Variants in STK39 observed in about 807,000 individuals in gnomAD.
STK39 encodes serine/threonine kinase 39, also known as STE20/SPS1-related proline-alanine-rich protein kinase.
STK39 carries 20 observed loss-of-function variants against 77.8 expected under a neutral mutation model. The ratio of observed to expected loss-of-function variants is 0.26; its 90% confidence interval spans 0.18 to 0.37. STK39 has a LOEUF of 0.37. Ranked by LOEUF, STK39 falls within the 10% of genes least tolerant of loss-of-function variation. The probability of loss-of-function intolerance (pLI) is 1.00; values close to 1 mark genes in which losing one functional copy is unlikely to be tolerated. For missense variants in STK39, 479 were observed against 656.5 expected (o/e 0.73, Z 2.95); for synonymous variants, 246 against 234.1 (o/e 1.05, Z -0.47).
At chr2:167,990,696 C>T (rs1040652310) in intron 16 of STK39, among the ~76,000 whole-genome samples, 2 of 152,146 alleles carry the variant, frequency 1.3e-5, no homozygotes, top group African/African-American at 4.8e-5. Context: ...GAAAAAGAAC[C>T]CACATATCTT....
chr2:168,155,593 T>G (rs1688406347), intron 5 of STK39, among the ~76,000 whole-genome samples: 1 of 146,430 alleles, frequency 6.8e-6, no homozygotes, highest in Non-Finnish European at 1.5e-5. Context: ...TTAATTTTCA[T>G]GTGTATTCTA....
At chr2:167,980,462 G>C (rs1683386377) in intron 16 of STK39, among the ~76,000 whole-genome samples, 1 of 152,168 alleles carries the variant, frequency 6.6e-6, no homozygotes, top group East Asian at 1.9e-4. Flanking sequence ...CTTCTGGACT[G>C]GGAAAAGCTT....
At chr2:168,089,441 A>G (rs1380207485) in intron 10 of STK39, among the ~76,000 whole-genome samples, 1 of 152,268 alleles carries the variant, frequency 6.6e-6, no homozygotes, top group African/African-American at 2.4e-5. Flanking sequence ...TAAACAAGGT[A>G]CAAAGATGTG....
intron 10 of STK39, among the ~76,000 whole-genome samples, chr2:168,112,561 A>G (rs1238592821): frequency 6.6e-6 from 1 of 152,058 alleles, no homozygotes; most frequent in Non-Finnish European, 1.5e-5. Context: ...AGGCCTCCCC[A>G]GCCATGTGGA....
chr2:167,998,967 GA>G (rs1199986422), intron 16 of STK39, among the ~76,000 whole-genome samples: 1 of 152,224 alleles, frequency 6.6e-6, no homozygotes, highest in Non-Finnish European at 1.5e-5. Context: ...AAAGGCTAGA[GA>G]GGCACAAGAT....
chr2:168,199,268 G>A (rs952721547), intron 1 of STK39, among the ~76,000 whole-genome samples: 5 of 152,172 alleles, frequency 3.3e-5, no homozygotes, highest in East Asian at 1.9e-4. Flanking sequence ...GGAGCAGCAC[G>A]TCACCTCTTC....
chr2:168,184,930 C>A (rs1033915324), intron 1 of STK39, among the ~76,000 whole-genome samples: 12 of 152,178 alleles, frequency 7.9e-5, no homozygotes, highest in Admixed American at 1.3e-4. Flanking sequence ...GACCTAACTG[C>A]ATAATTCTAA....
At chr2:168,114,442 G>GTTATAATC (rs1687205886) in intron 10 of STK39, among the ~76,000 whole-genome samples, 1 of 152,160 alleles carries the variant, frequency 6.6e-6, no homozygotes, top group African/African-American at 2.4e-5. Context: ...TAGAATCTCT[G>GTTATAATC]TTATAATCTG....
intron 1 of STK39, among the ~76,000 whole-genome samples, chr2:168,205,491 A>G: frequency 6.6e-6 from 1 of 152,146 alleles, no homozygotes. Flanking sequence ...GCCAAATCTA[A>G]ATTACTTGCT....
At position 168,075,217 on chromosome 2, in the gene STK39, A is replaced by C. The variant is rs758654917; in HGVS notation, c.1104T>G (p.Pro368=). 8 of 1,613,998 alleles carry C rather than the reference A, an allele frequency of 5.0e-6. No homozygotes were observed. Among genetic ancestry groups the C allele is most frequent in the South Asian group, 4.4e-5 (4 of 91,072 alleles). Residue 368 remains proline, a synonymous_variant, in exon 11 of 18, where the codon CCT becomes CCG. Transcript: ENST00000355999. ...TTTTATGAAGGTGACCACTTGACCCAGGAACTCTTCTTACCTGAATCAAAA... is the reference window on the plus strand; with the variant it reads ...TTTTATGAAGGTGACCACTTGACCCCGGAACTCTTCTTACCTGAATCAAAA... ...AQRAKKVRRV[P]GSSGHLHKTE... is the part of the protein sequence containing the mutation.
intron 16 of STK39, among the ~76,000 whole-genome samples, chr2:167,970,426 A>G (rs1277285661): frequency 6.6e-6 from 1 of 152,158 alleles, no homozygotes; most frequent in Non-Finnish European, 1.5e-5. Flanking sequence ...TGTCTAGTAC[A>G]CCGTATTTGG....
intron 1 of STK39, among the ~76,000 whole-genome samples, chr2:168,229,369 A>C (rs573504405): frequency 2.7e-5 from 4 of 149,222 alleles, no homozygotes; most frequent in Non-Finnish European, 5.9e-5. Flanking sequence ...TGGGTGACAG[A>C]GCAAGACTCT....
intron 5 of STK39, among the ~76,000 whole-genome samples, chr2:168,145,868 G>C (rs915931794): frequency 7.2e-5 from 11 of 152,274 alleles, no homozygotes; most frequent in South Asian, 4.1e-4. Context: ...CCAGGTGACT[G>C]ATTGTCCAAA....
intron 10 of STK39, among the ~76,000 whole-genome samples, chr2:168,119,661 A>G (rs1366402675): frequency 6.6e-6 from 1 of 152,196 alleles, no homozygotes; most frequent in Non-Finnish European, 1.5e-5. Context: ...ACTTTTGCTC[A>G]GTTAGCTTTC....
At chr2:167,977,966 G>A (rs1308807544) in intron 16 of STK39, among the ~76,000 whole-genome samples, 1 of 152,200 alleles carries the variant, frequency 6.6e-6, no homozygotes, top group Admixed American at 6.5e-5. Context: ...GGGGAGTGCT[G>A]ACTGGTTGGT....
intron 5 of STK39, among the ~76,000 whole-genome samples, chr2:168,160,321 A>G (rs189310933): frequency 1.3e-5 from 2 of 152,360 alleles, no homozygotes; most frequent in African/African-American, 2.4e-5. Flanking sequence ...TCCATAATTA[A>G]TAAGTATTAC....
chr2:168,094,189 C>G (rs1314483483), intron 10 of STK39, among the ~76,000 whole-genome samples: 1 of 152,162 alleles, frequency 6.6e-6, no homozygotes, highest in Non-Finnish European at 1.5e-5. Flanking sequence ...GGACCACTAC[C>G]CTCCCAGTCA....
At chr2:168,212,505 GA>G (rs1294273156) in intron 1 of STK39, among the ~76,000 whole-genome samples, 1 of 152,178 alleles carries the variant, frequency 6.6e-6, no homozygotes, top group Admixed American at 6.5e-5. Flanking sequence ...TGTGAGATGT[GA>G]AAAACCTCAG....
chr2:168,063,628 A>T, intron 13 of STK39, 58 bp from the exon 14 acceptor site: 1 of 1,461,924 alleles, frequency 6.8e-7, no homozygotes, highest in Non-Finnish European at 9.4e-7. Context: ...GAATGAATAA[A>T]ATCACAATAT....
Sources: allele counts gnomAD v4.1 joint callset (sites outside exome capture counted in the v4.1 genomes callset), GRCh38; gene constraint gnomAD v4.1.1; transcripts MANE v1.5; gene names NCBI Gene and HGNC (gene_info 2026-07-23, HGNC 2026-07-21).